MAP3K5: variants seen among roughly 807,000 people sequenced by gnomAD.
The protein encoded by MAP3K5 is ASK-1.
Under a neutral mutation model 158.7 loss-of-function variants are expected in MAP3K5, and 56 were observed. The observed-to-expected ratio is 0.35, with a 90% CI of 0.28 to 0.44. The LOEUF is 0.44. Among genes scored for constraint, MAP3K5 ranks in the 20% least tolerant of loss-of-function variants. The pLI is 1.00. For missense variants in MAP3K5, 1,294 were observed against 1,674.8 expected, an observed-to-expected ratio of 0.77 and a Z score of 3.97; for synonymous variants, 579 against 601.7, an observed-to-expected ratio of 0.96 and a Z score of 0.55.
Position 136,721,068 on chromosome 6 carries a change from C to T in MAP3K5, c.449-479G>A, listed in dbSNP as rs541322657. ...TGCTGGGATTACAGGTGTGAGCCAC[C>T]ATGCCTGGCCCAAACCTGCATTTTT... On this transcript the variant is annotated intron_variant, in intron 1 of 29. Coordinates refer to ENST00000359015, the MANE Select transcript of MAP3K5 (RefSeq NM_005923.4). Among the ~76,000 whole-genome samples the T allele has an allele frequency of 4.0e-4, 61 of 152,182 alleles. 1 individual carries two copies. The highest frequency in any genetic ancestry group is 1.4e-3 in the African/African-American group (60 of 41,520).
At position 136,580,909 on chromosome 6, in the gene MAP3K5, G is replaced by A. The variant is rs539009214; in HGVS notation, c.3412-503C>T. The stretch of plus-strand genomic sequence containing the variant: ...GGCTCACTGCAACCTGTGCCTCCGG[G>A]GCTCAAGCAATCCTCCCGCCTCAGC... On this transcript the variant is annotated intron_variant, in intron 24 of 29. Transcript: ENST00000359015. 4.6e-5 allele frequency among the ~76,000 whole-genome samples: 7 copies of A among 152,024 alleles called. No individual in the cohort carries two copies. The East Asian group carries it at 1.4e-3, about 29-fold the overall frequency.
chr6:136,770,363 A>G (rs1784148360), intron 1 of MAP3K5, among the ~76,000 whole-genome samples: 1 of 152,194 alleles, frequency 6.6e-6, no homozygotes, highest in Non-Finnish European at 1.5e-5. Flanking sequence ...AAAGCAAGGG[A>G]AAAGATTTTT....
intron 19 of MAP3K5, among the ~76,000 whole-genome samples, chr6:136,603,987 A>C (rs1044066610): frequency 6.6e-6 from 1 of 152,208 alleles, no homozygotes; most frequent in Non-Finnish European, 1.5e-5. Context: ...TAAGAGCTAG[A>C]AACATGGTCT....
At chr6:136,790,428 T>C (rs1032315358) in intron 1 of MAP3K5, among the ~76,000 whole-genome samples, 1 of 152,230 alleles carries the variant, frequency 6.6e-6, no homozygotes, top group Non-Finnish European at 1.5e-5. Context: ...AGAAAAGTTA[T>C]GTTGATGTAA....
intron 14 of MAP3K5, among the ~76,000 whole-genome samples, chr6:136,635,962 T>G (rs1229995472): frequency 1.3e-5 from 2 of 152,168 alleles, no homozygotes; most frequent in South Asian, 2.1e-4. Context: ...TCTATAAAAA[T>G]TTTAGTTTAT....
At chr6:136,629,766 CATTT>C (rs56675510) in intron 14 of MAP3K5, among the ~76,000 whole-genome samples, 1,791 of 148,112 alleles carry the variant, frequency 0.012, 22 homozygotes, top group African/African-American at 0.021. Context: ...ATCTCACCTT[CATTT>C]ATTTATTTAT....
chr6:136,563,167 T>G (rs1194832276), intron 26 of MAP3K5, among the ~76,000 whole-genome samples: 1 of 152,152 alleles, frequency 6.6e-6, no homozygotes, highest in African/African-American at 2.4e-5. Flanking sequence ...TGGAAGACTG[T>G]GCTTGCCGAC....
chr6:136,745,501 C>T (rs920878353), intron 1 of MAP3K5, among the ~76,000 whole-genome samples: 3 of 152,094 alleles, frequency 2.0e-5, no homozygotes, highest in South Asian at 2.1e-4. Flanking sequence ...ATGCTGGGAA[C>T]GCTCCCCACT....
At chr6:136,762,552 G>A (rs1170856104) in intron 1 of MAP3K5, among the ~76,000 whole-genome samples, 1 of 152,126 alleles carries the variant, frequency 6.6e-6, no homozygotes, top group African/African-American at 2.4e-5. Context: ...AGAGAGCTTA[G>A]TTCAAGAAAA....
chr6:136,668,038 C>CT (rs1032598141), intron 8 of MAP3K5, among the ~76,000 whole-genome samples: 4 of 151,700 alleles, frequency 2.6e-5, no homozygotes, highest in Non-Finnish European at 5.9e-5. Context: ...AAAATAATGT[C>CT]TTTTTTTTAA....
At chr6:136,599,475 A>ATC (rs71737097) in intron 21 of MAP3K5, among the ~76,000 whole-genome samples, 2,773 of 142,034 alleles carry the variant, frequency 0.02, 39 homozygotes, top group East Asian at 0.086. Flanking sequence ...CACTTAAAGG[A>ATC]TCTCTCTCTC....
At chr6:136,592,015 C>A (rs1217659324) in intron 23 of MAP3K5, among the ~76,000 whole-genome samples, 158 bp downstream of exon 23, 1 of 152,184 alleles carries the variant, frequency 6.6e-6, no homozygotes, top group African/African-American at 2.4e-5. Context: ...TATTCCCTAC[C>A]ATAGGGTTTG....
Position 136,695,971 on chromosome 6 carries a change from A to G in MAP3K5, c.1062T>C (p.His354=). The G allele has an allele frequency of 6.2e-7, 1 of 1,613,220 alleles. No homozygotes were observed. ...CTTACCTATTCAGTGCAAATGCATA[A>G]TGAAACTTCACATGGTGATGGGAGG... The part of the protein sequence containing the change: ...DLASHHHVKF[H]YAFALNRRNL... The change falls in exon 6 of 30, where the codon CAT becomes CAC. Residue 354 remains histidine, a synonymous_variant. Coordinates refer to ENST00000359015, the MANE Select transcript of MAP3K5 (RefSeq NM_005923.4).
intron 8 of MAP3K5, among the ~76,000 whole-genome samples, chr6:136,661,672 T>C (rs898320559): frequency 6.6e-6 from 1 of 152,182 alleles, no homozygotes; most frequent in African/African-American, 2.4e-5. Flanking sequence ...TAACAGATGC[T>C]ACCACAACTG....
intron 2 of MAP3K5, among the ~76,000 whole-genome samples, chr6:136,710,631 T>C (rs907327593): frequency 6.6e-6 from 1 of 152,120 alleles, no homozygotes; most frequent in Admixed American, 6.6e-5. Flanking sequence ...GTGCCTAAAA[T>C]TTAGGTAACT....
chr6:136,760,649 C>A (rs1207461876), intron 1 of MAP3K5, among the ~76,000 whole-genome samples: 1 of 152,140 alleles, frequency 6.6e-6, no homozygotes, highest in Non-Finnish European at 1.5e-5. Context: ...GAGGGTGGAA[C>A]CCTCATGAAT....
intron 1 of MAP3K5, among the ~76,000 whole-genome samples, chr6:136,768,012 G>A (rs934095146): frequency 6.6e-6 from 1 of 152,174 alleles, no homozygotes; most frequent in Admixed American, 6.5e-5. Flanking sequence ...ACATGCAAAA[G>A]AATGAAGCTG....
At chr6:136,727,731 C>T (rs1281161366) in intron 1 of MAP3K5, among the ~76,000 whole-genome samples, 1 of 152,076 alleles carries the variant, frequency 6.6e-6, no homozygotes, top group African/African-American at 2.4e-5. Flanking sequence ...GAGGCCAAGG[C>T]GGGCGGACCA....
At chr6:136,623,092 C>T in intron 14 of MAP3K5, 111 bp from the exon 15 acceptor site, 2 of 957,020 alleles carry the variant, frequency 2.1e-6, no homozygotes, top group South Asian at 1.5e-5. Flanking sequence ...ATGGCATTAA[C>T]AGGCTGAAGT....
Sources: gnomAD v4.1 joint callset for allele counts (sites outside exome capture counted in the v4.1 genomes callset) on GRCh38, gnomAD v4.1.1 for gene constraint, MANE v1.5 for transcripts, NCBI Gene and HGNC (gene_info 2026-07-23, HGNC 2026-07-21) for gene names.